Variants in TMEM170B observed in about 807,000 individuals in gnomAD.
The protein encoded by TMEM170B is transmembrane protein 170B.
A neutral mutation model predicts 13.0 loss-of-function variants in TMEM170B; 6 were observed. The observed-to-expected ratio is 0.46, with a 90% CI of 0.25 to 0.91. TMEM170B has a LOEUF of 0.91. Among genes scored for constraint, TMEM170B ranks in the 40% least tolerant of loss-of-function variants. The pLI, the probability that TMEM170B is intolerant of heterozygous loss-of-function variation, is 0.17. For synonymous variants in TMEM170B, 61 were observed against 64.9 expected (o/e 0.94, Z 0.29); for missense variants, 138 against 165.2 (o/e 0.84, Z 0.90).
At chr6:11,560,662 CA>C (rs568905590) in intron 1 of TMEM170B, among the ~76,000 whole-genome samples, 44 of 151,178 alleles carry the variant, frequency 2.9e-4, no homozygotes, top group Middle Eastern at 3.4e-3. Context: ...TATTTCAGAC[CA>C]GTTTAAAATA....
chr6:11,561,477 G>A (rs896538602), intron 1 of TMEM170B, among the ~76,000 whole-genome samples: 5 of 152,108 alleles, frequency 3.3e-5, no homozygotes, highest in African/African-American at 7.2e-5. Context: ...AGGATCCTGC[G>A]GTTCTCTTCA....
Position 11,538,389 on chromosome 6 carries a change from T to G in TMEM170B, c.97+15T>G, listed in dbSNP as rs372010067. The G allele has an allele frequency of 2.7e-6, 4 of 1,498,306 alleles. No homozygotes were observed. The highest frequency in any genetic ancestry group is 3.6e-6 in the Non-Finnish European group (4 of 1,124,504). 92.8% of individuals were successfully genotyped at this position (1,498,306 alleles called of 1,614,324 possible). A position where few individuals can be genotyped will look rare whatever the true frequency, so the allele number is the denominator to read the frequency against. ...GAACCTCACGGGTAATTGACGCGCC[T>G]GGGCTGGGGACGGGGATGCGGTCCG... is the stretch of plus-strand genomic sequence containing the variant. On this transcript the variant is annotated intron_variant, in intron 1 of 2. Coordinates refer to ENST00000379426, the MANE Select transcript of TMEM170B (RefSeq NM_001100829.3).
At chr6:11,538,462 G>A in intron 1 of TMEM170B, 88 bp downstream of exon 1, 2 of 1,008,842 alleles carry the variant, frequency 2.0e-6, no homozygotes, top group Non-Finnish European at 2.8e-6. Flanking sequence ...GCTCCTCGCC[G>A]CCCCACCCCC....
intron 1 of TMEM170B, among the ~76,000 whole-genome samples, chr6:11,555,488 A>C (rs536002607): frequency 1.4e-4 from 21 of 151,904 alleles, no homozygotes; most frequent in African/African-American, 4.6e-4. Flanking sequence ...TTTTTGAAAA[A>C]TTTTCAGCAT....
Position 11,581,140 on chromosome 6 carries a change from A to G in TMEM170B, c.*5579A>G, listed in dbSNP as rs151298744. 1 of 152,366 alleles carries G rather than the reference A, an allele frequency of 6.6e-6. No individual in the cohort carries two copies. The highest frequency in any genetic ancestry group is 1.5e-5 in the Non-Finnish European group (1 of 68,032). 9.4% of individuals were successfully genotyped at this position (152,366 alleles called of 1,614,324 possible). ...TTCTGAGTGAACTGAGCTATGAACT[A>G]TAATCATCTCTTCCCCTGAGTTTAG... On this transcript the variant is annotated 3_prime_UTR_variant, in exon 3 of 3. Coordinates refer to ENST00000379426, the MANE Select transcript of TMEM170B (RefSeq NM_001100829.3).
chr6:11,565,207 A>G (rs528849279), intron 1 of TMEM170B, among the ~76,000 whole-genome samples: 5 of 152,346 alleles, frequency 3.3e-5, no homozygotes, highest in African/African-American at 1.2e-4. Context: ...AATGACTGAA[A>G]TTCTTAAAGA....
chr6:11,542,740 C>T lies in TMEM170B; in HGVS notation c.97+4366C>T, dbSNP rs1480648064. On this transcript the variant is annotated intron_variant, in intron 1 of 2. Coordinates refer to ENST00000379426, the MANE Select transcript of TMEM170B (RefSeq NM_001100829.3). ...GTGACCTTAGTGATTTGGTGTGTAT[C>T]TTAATCATTAGTTAACAGATGCTGC... Among the ~76,000 whole-genome samples, 4 of 152,282 alleles carry T rather than the reference C, an allele frequency of 2.6e-5. No homozygotes were observed. In the East Asian group the frequency reaches 7.7e-4, roughly 29 times the overall value.
chr6:11,545,290 G>C lies in TMEM170B; in HGVS notation c.97+6916G>C, dbSNP rs1006502574. On this transcript the variant is annotated intron_variant, in intron 1 of 2. Transcript: ENST00000379426. ...TCTCTCTCTCTCTCTCTGTGTGTGT[G>C]TGTGTGTGTGTGTGTGTGTGTAGTA... 4.1e-5 allele frequency among the ~76,000 whole-genome samples: 6 copies of C among 145,526 alleles called. No homozygotes were observed. The East Asian group carries it at 8.7e-4, about 21-fold the overall frequency.
chr6:11,547,864 T>A (rs1211949810), intron 1 of TMEM170B, among the ~76,000 whole-genome samples: 1 of 152,210 alleles, frequency 6.6e-6, no homozygotes, highest in African/African-American at 2.4e-5. Context: ...ATTTTGATTC[T>A]TTAATATTAA....
At chr6:11,573,461 C>G (rs1352178204) in intron 2 of TMEM170B, among the ~76,000 whole-genome samples, 1 of 152,162 alleles carries the variant, frequency 6.6e-6, no homozygotes, top group Non-Finnish European at 1.5e-5. Context: ...GTTTTAAGCA[C>G]TTGACAAGTG....
Position 11,575,286 on chromosome 6 carries a change from A to G in TMEM170B, c.269-145A>G. On this transcript the variant is annotated intron_variant, in intron 2 of 2. Coordinates refer to ENST00000379426, the MANE Select transcript of TMEM170B (RefSeq NM_001100829.3). The surrounding 1 kb of genome is among the most constrained non-coding windows in gnomAD (Gnocchi z 4.1). ...GTTGTAACTTTCACCAATCACAGGGAAACTTTTTCATAGAAAGTGGATAAA... is the reference window on the plus strand; with the variant it reads ...GTTGTAACTTTCACCAATCACAGGGGAACTTTTTCATAGAAAGTGGATAAA... 8.7e-7 allele frequency: 1 copy of G among 1,150,718 alleles called. No individual in the cohort carries two copies. The highest frequency in any genetic ancestry group is 1.2e-6 in the Non-Finnish European group (1 of 818,458). The allele number at this position is 1,150,718 out of a possible 1,614,324, so 71.3% of individuals were successfully genotyped here.
intron 1 of TMEM170B, among the ~76,000 whole-genome samples, chr6:11,558,324 A>G (rs1200237268): frequency 6.6e-6 from 1 of 152,118 alleles, no homozygotes; most frequent in Non-Finnish European, 1.5e-5. Flanking sequence ...TTACAGCCTC[A>G]TCTTACCATA....
intron 1 of TMEM170B, among the ~76,000 whole-genome samples, chr6:11,545,214 A>T (rs776995321): frequency 3.3e-5 from 5 of 151,486 alleles, no homozygotes; most frequent in Non-Finnish European, 7.4e-5. Context: ...TTTTATTGGT[A>T]ATAAGCATTG....
rs1191412794 is a variant in TMEM170B at position 11,580,445 on chromosome 6, C to T, written c.*4884C>T. 6.6e-6 allele frequency: 1 copy of T among 152,174 alleles called. No individual in the cohort carries two copies. The highest frequency in any genetic ancestry group is 1.5e-5 in the Non-Finnish European group (1 of 68,028). The allele number at this position is 152,174 out of a possible 1,614,324, so 9.4% of individuals were successfully genotyped here. ...CTCTTGACACTACAGATTTTTCTCT[C>T]AGTCTCAATCAGAATCTCTGCAGTC... On this transcript the variant is annotated 3_prime_UTR_variant, in exon 3 of 3. Coordinates refer to ENST00000379426, the MANE Select transcript of TMEM170B (RefSeq NM_001100829.3).
rs1229948463 is a variant in TMEM170B, at chr6:11,537,804, C to G, written c.-474C>G. Among the ~76,000 whole-genome samples the G allele has an allele frequency of 2.0e-5, 3 of 151,554 alleles. No homozygotes were observed. The highest frequency in any genetic ancestry group is 1.3e-4 in the Admixed American group (2 of 15,242). ...GGCGGGCGGCAGGTGCCGCCGCAGC[C>G]TCTGGCTGGTCCCGCGTCTCCGTCC... On this transcript the variant is annotated 5_prime_UTR_variant, in exon 1 of 3. Transcript: ENST00000379426.
At chr6:11,560,522 A>G (rs1380743622) in intron 1 of TMEM170B, among the ~76,000 whole-genome samples, 2 of 150,560 alleles carry the variant, frequency 1.3e-5, no homozygotes, top group Non-Finnish European at 3.0e-5. Flanking sequence ...GAGGCAGGAG[A>G]ATCGTTTGAG....
At chr6:11,538,648 C>T (rs943884664) in intron 1 of TMEM170B, among the ~76,000 whole-genome samples, 2 of 152,258 alleles carry the variant, frequency 1.3e-5, no homozygotes, top group African/African-American at 2.4e-5. Flanking sequence ...GGCCCGGCCT[C>T]TGTAGTACGC....
intron 2 of TMEM170B, among the ~76,000 whole-genome samples, chr6:11,570,669 C>G (rs535743154): frequency 6.6e-6 from 1 of 152,242 alleles, no homozygotes; most frequent in South Asian, 2.1e-4. Context: ...ACCAAACTTT[C>G]AAGAACAACT....
chr6:11,551,898 C>G (rs1435322126), intron 1 of TMEM170B, among the ~76,000 whole-genome samples: 1 of 152,076 alleles, frequency 6.6e-6, no homozygotes, highest in Non-Finnish European at 1.5e-5. Flanking sequence ...CTCTTGGGTG[C>G]CTTGGAAAGC....
Sources: allele counts gnomAD v4.1 joint callset (sites outside exome capture counted in the v4.1 genomes callset), GRCh38; gene constraint gnomAD v4.1.1; non-coding constraint Gnocchi (gnomAD v3.1); transcripts MANE v1.5; gene names NCBI Gene and HGNC (gene_info 2026-07-23, HGNC 2026-07-21).